Variants in CCDC141 observed in about 807,000 individuals in gnomAD.
The protein encoded by CCDC141 is coiled-coil domain containing 141.
In CCDC141, 168 loss-of-function variants were observed where a neutral mutation model predicts 181.0. The ratio of observed to expected loss-of-function variants is 0.93; its 90% CI spans 0.82 to 1.05. The LOEUF is 1.05. CCDC141 is among the 50% of genes least tolerant of loss of function. The probability of loss-of-function intolerance (pLI) is 0.00; values close to 1 mark genes in which losing one functional copy is unlikely to be tolerated. For synonymous variants in CCDC141, 666 were observed against 642.3 expected (o/e 1.04, Z -0.56); for missense variants, 1,902 against 1,788.5 (o/e 1.06, Z -1.14).
At position 179,000,834 on chromosome 2, in the gene CCDC141, A is replaced by G. The variant is rs116503630; in HGVS notation, c.226-22159T>C. On this transcript the variant is annotated intron_variant, in intron 2 of 23. Coordinates refer to ENST00000443758, the MANE Select transcript of CCDC141 (RefSeq NM_173648.4). ...CCACAAGGCTTGATGCAATTGCTAC[A>G]TTGTTCTCCAGAAAGTTTGTACCAA... 5.2e-3 allele frequency among the ~76,000 whole-genome samples: 786 copies of G among 152,332 alleles called. 2 individuals are homozygous for G. Among genetic ancestry groups the G allele is most frequent in the Non-Finnish European group, 9.1e-3 (618 of 68,022 alleles).
intron 2 of CCDC141, among the ~76,000 whole-genome samples, chr2:178,981,661 TACATATATAC>T (rs1691411499): frequency 1.5e-5 from 2 of 136,250 alleles, no homozygotes; most frequent in Admixed American, 7.5e-5. Flanking sequence ...TATATATACA[TACATATATAC>T]ATATATATAT....
In CCDC141 at chr2:179,047,266, C is replaced by T; in HGVS notation, c.225+18G>A. 1 of 1,502,340 alleles carries T rather than the reference C, an allele frequency of 6.7e-7. No individual in the cohort carries two copies. The highest frequency in any genetic ancestry group is 1.3e-5 in the South Asian group (1 of 75,026). The allele number at this position is 1,502,340 out of a possible 1,614,324, so 93.1% of individuals were successfully genotyped here. ...TGTCTCTTTAATTTTGTTTCTGCTT[C>T]ACATCTTAGTATCTTACCTTGAGCT... On this transcript the variant is annotated intron_variant, in intron 2 of 23. Coordinates refer to ENST00000443758, the MANE Select transcript of CCDC141 (RefSeq NM_173648.4).
chr2:178,998,749 A>G (rs1038733979), intron 2 of CCDC141, among the ~76,000 whole-genome samples: 15 of 151,934 alleles, frequency 9.9e-5, no homozygotes, highest in African/African-American at 3.6e-4. Context: ...CTATTTTTAA[A>G]CATCTAGGTG....
In CCDC141 at chr2:178,918,247, C is replaced by CA. The variant is rs575602156; in HGVS notation, c.1092+465dup. ...CAACATAGCAAGACCCTGTCTCTAC[C>CA]AAAAAAAAAAAGTAGTCAAGCATGG... On this transcript the variant is annotated intron_variant, in intron 7 of 23. Coordinates refer to ENST00000443758, the MANE Select transcript of CCDC141 (RefSeq NM_173648.4). 7.3e-3 allele frequency among the ~76,000 whole-genome samples: 1,044 copies of CA among 143,910 alleles called. 15 individuals carry two copies. The highest frequency in any genetic ancestry group is 0.022 in the African/African-American group (885 of 39,462). 94.4% of individuals were successfully genotyped at this position (143,910 alleles called of 152,430 possible). A position where few individuals can be genotyped will look rare whatever the true frequency, so the allele number is the denominator to read the frequency against.
intron 5 of CCDC141, among the ~76,000 whole-genome samples, chr2:178,953,607 T>C (rs1212564373): frequency 6.6e-6 from 1 of 152,206 alleles, no homozygotes; most frequent in Non-Finnish European, 1.5e-5. Flanking sequence ...TTTTTGTTGA[T>C]ATAAATGTTT....
At chr2:178,874,855 C>T (rs1686287221) in intron 12 of CCDC141, 1 of 152,136 alleles carries the variant, frequency 6.6e-6, no homozygotes, top group African/African-American at 2.4e-5. Context: ...CTTCTAAAGA[C>T]GTTGACAAAA....
At chr2:178,867,580 T>G (rs572604791) in intron 16 of CCDC141, among the ~76,000 whole-genome samples, 4 of 152,312 alleles carry the variant, frequency 2.6e-5, no homozygotes, top group African/African-American at 9.6e-5. Context: ...AAATTTACAG[T>G]TTCGAAAGTT....
chr2:178,965,285 G>A (rs1183830654), intron 4 of CCDC141, among the ~76,000 whole-genome samples: 1 of 152,188 alleles, frequency 6.6e-6, no homozygotes, highest in East Asian at 1.9e-4. Flanking sequence ...CACCAGGAAT[G>A]TATGCCCTAG....
At chr2:178,822,364 AC>A in the CCDC141 span, among the ~76,000 whole-genome samples, 1 of 151,744 alleles carries the variant, frequency 6.6e-6, no homozygotes, top group African/African-American at 2.4e-5. Flanking sequence ...CATGTAACAA[AC>A]CTGCATGTTG....
At chr2:179,010,899 C>T (rs1316037852) in intron 2 of CCDC141, among the ~76,000 whole-genome samples, 2 of 152,134 alleles carry the variant, frequency 1.3e-5, no homozygotes, top group African/African-American at 4.8e-5. Context: ...TGGCTCACAC[C>T]TGTAATCCCA....
intron 2 of CCDC141, among the ~76,000 whole-genome samples, chr2:178,992,662 G>A (rs962877515): frequency 6.6e-6 from 1 of 152,164 alleles, no homozygotes; most frequent in African/African-American, 2.4e-5. Flanking sequence ...GAACTAATGA[G>A]TGAGTCTATC....
chr2:178,854,456 A>T (rs1015658222), intron 19 of CCDC141, among the ~76,000 whole-genome samples: 1 of 152,168 alleles, frequency 6.6e-6, no homozygotes, highest in Non-Finnish European at 1.5e-5. Context: ...CCCGGGAGGC[A>T]GAGCTTGCAG....
intron 8 of CCDC141, among the ~76,000 whole-genome samples, chr2:178,900,404 T>C (rs2154372323): frequency 6.6e-6 from 1 of 152,252 alleles, no homozygotes; most frequent in African/African-American, 2.4e-5. Context: ...ATTTCATACA[T>C]GTAGAGTGTC....
intron 8 of CCDC141, among the ~76,000 whole-genome samples, chr2:178,894,973 G>A (rs1398941668): frequency 1.3e-5 from 2 of 152,052 alleles, no homozygotes; most frequent in African/African-American, 2.4e-5. Flanking sequence ...ATCTTTTAAT[G>A]TATTTCCTTC....
chr2:178,981,671 C>CATATAT lies in CCDC141; in HGVS notation c.226-3002_226-2997dup, dbSNP rs199892457. ...ATATATATATATACATACATATATA[C>CATATAT]ATATATATATATAGAGAGAGAGAGA... On this transcript the variant is annotated intron_variant, in intron 2 of 23. Coordinates refer to ENST00000443758, the MANE Select transcript of CCDC141 (RefSeq NM_173648.4). 6.7e-4 allele frequency among the ~76,000 whole-genome samples: 75 copies of CATATAT among 111,766 alleles called. 1 individual carries two copies. The highest frequency in any genetic ancestry group is 1.1e-3 in the African/African-American group (31 of 28,908). The allele number at this position is 111,766 out of a possible 152,430, so 73.3% of individuals were successfully genotyped here.
At chr2:178,935,494 T>C (rs970864746) in intron 6 of CCDC141, among the ~76,000 whole-genome samples, 1 of 152,222 alleles carries the variant, frequency 6.6e-6, no homozygotes, top group Non-Finnish European at 1.5e-5. Flanking sequence ...ATGGTGTATA[T>C]GTACCACATT....
intron 4 of CCDC141, among the ~76,000 whole-genome samples, chr2:178,973,199 T>C (rs1690975853): frequency 6.6e-6 from 1 of 152,166 alleles, no homozygotes; most frequent in East Asian, 1.9e-4. Context: ...ATAAATTGCA[T>C]CAACTTCATT....
At chr2:178,990,708 T>A (rs1318123402) in intron 2 of CCDC141, among the ~76,000 whole-genome samples, 1 of 151,726 alleles carries the variant, frequency 6.6e-6, no homozygotes, top group African/African-American at 2.4e-5. Context: ...ACGCCAAAGG[T>A]CACATAATGG....
At position 179,041,491 on chromosome 2, in the gene CCDC141, G is replaced by GTTTTT. The variant is rs35229059; in HGVS notation, c.225+5788_225+5792dup. Among the ~76,000 whole-genome samples the GTTTTT allele has an allele frequency of 4.4e-4, 26 of 58,898 alleles. 3 individuals are homozygous for GTTTTT. The highest frequency in any genetic ancestry group is 9.6e-4 in the South Asian group (1 of 1,044). 38.6% of individuals were successfully genotyped at this position (58,898 alleles called of 152,430 possible). A position where few individuals can be genotyped will look rare whatever the true frequency, so the allele number is the denominator to read the frequency against. On this transcript the variant is annotated intron_variant, in intron 2 of 23. Coordinates refer to ENST00000443758, the MANE Select transcript of CCDC141 (RefSeq NM_173648.4). ...TATTATTTAATCGGGTTGGTTGTGG[G>GTTTTT]TTTTTTTTTTTTTTTTTTTTTTTTT...
Sources: gnomAD v4.1 joint callset for allele counts (sites outside exome capture counted in the v4.1 genomes callset) on GRCh38, gnomAD v4.1.1 for gene constraint, MANE v1.5 for transcripts, NCBI Gene and HGNC (gene_info 2026-07-23, HGNC 2026-07-21) for gene names.